The following ANKMY1 variants were observed in gnomAD, a reference collection of about 807,000 sequenced individuals.
ANKMY1 encodes ankyrin repeat and MYND domain containing 1, also known as ankyrin repeat and MYND domain-containing protein 1.
In ANKMY1, 98 loss-of-function variants were observed where a neutral mutation model predicts 102.0. The ratio of observed to expected loss-of-function variants is 0.96; its 90% CI spans 0.82 to 1.14. The LOEUF is 1.14. Ranked by LOEUF, ANKMY1 falls within the 50% of genes most tolerant of loss-of-function variation. The pLI is 0.00. For missense variants in ANKMY1, 1,330 were observed against 1,347.6 expected (o/e 0.99, Z 0.20); for synonymous variants, 582 against 559.9 (o/e 1.04, Z -0.56).
rs776862271 is a variant in ANKMY1, at chr2:240,529,145, C to T, written c.845G>A (p.Arg282His). ...TSSFRKELDA[R>H]IFLNEIPPFV... Reference sequence around the variant, plus strand: ...CGGAGGAATTTCATTGAGGAAGATGCGGGCGTCCAGCTCTTTGCGGAAAGA... The same window carrying T: ...CGGAGGAATTTCATTGAGGAAGATGTGGGCGTCCAGCTCTTTGCGGAAAGA... Residue 282 changes from arginine to histidine, a missense_variant, in exon 5 of 18, where the codon CGC (arginine) becomes CAC (histidine). Physicochemically the swap from Arg to His is conservative, Grantham distance 29 (BLOSUM62 0). Coordinates refer to ENST00000401804, the MANE Select transcript of ANKMY1 (RefSeq NM_001282771.3). The surrounding 1 kb of genome is among the most constrained non-coding windows in gnomAD (Gnocchi z 4.2). The T allele has an allele frequency of 1.9e-5, 31 of 1,614,050 alleles. No individual in the cohort carries two copies. The highest frequency in any genetic ancestry group is 2.5e-5 in the Non-Finnish European group (30 of 1,180,054).
In ANKMY1 at chr2:240,526,259, T is replaced by G; in HGVS notation, c.1140A>C (p.Ala380=). The G allele has an allele frequency of 6.2e-7, 1 of 1,614,136 alleles. No individual in the cohort carries two copies. The highest frequency in any genetic ancestry group is 8.5e-7 in the Non-Finnish European group (1 of 1,180,020). ...CCGCAGCAAGCACAGTGTAGCCCTTTGCGTCCGCCACGTCAGCACTAGCAA... is the reference window on the plus strand; with the variant it reads ...CCGCAGCAAGCACAGTGTAGCCCTTGGCGTCCGCCACGTCAGCACTAGCAA... The part of the protein sequence containing the change: ...DNFASADVAD[A]KGYTVLAAAA... The change falls in exon 6 of 18, where the codon GCA becomes GCC. Residue 380 remains alanine (A), a synonymous_variant. Coordinates refer to ENST00000401804, the MANE Select transcript of ANKMY1 (RefSeq NM_001282771.3).
chr2:240,507,509 C>CA (rs1416289518), intron 13 of ANKMY1, 51 bp downstream of exon 13: 4 of 1,557,684 alleles, frequency 2.6e-6, no homozygotes, highest in Non-Finnish European at 3.5e-6. Flanking sequence ...AGGGCCACCC[C>CA]ACCACCCTCA....
chr2:240,560,529 G>T, upstream of ANKMY1: 4 of 1,131,462 alleles, frequency 3.5e-6, no homozygotes, highest in South Asian at 2.9e-5. Flanking sequence ...CAGCGCCCGC[G>T]GGGGACCCAA....
chr2:240,479,498 A>G lies in ANKMY1; in HGVS notation c.*111T>C. The G allele has an allele frequency of 7.7e-7, 1 of 1,296,652 alleles. No homozygotes were observed. The allele number at this position is 1,296,652 out of a possible 1,614,324, so 80.3% of individuals were successfully genotyped here. ...ACACTGCTACAAAGCATGACCCCAA[A>G]GGTGCAGAAATGCCTGCATTAGGCT... On this transcript the variant is annotated 3_prime_UTR_variant, in exon 18 of 18. Transcript: ENST00000401804.
downstream of ANKMY1, among the ~76,000 whole-genome samples, chr2:240,478,031 TC>T (rs1442943589): frequency 1.3e-5 from 2 of 152,140 alleles, no homozygotes; most frequent in African/African-American, 4.8e-5. Flanking sequence ...GGGGCAGACT[TC>T]CCCATCTGGT....
intron 5 of ANKMY1, chr2:240,526,837 A>C: frequency 2.6e-6 from 3 of 1,167,756 alleles, no homozygotes; most frequent in Non-Finnish European, 3.2e-6. Context: ...CCCACATTCC[A>C]CCCTCTGCTC....
intron 9 of ANKMY1, among the ~76,000 whole-genome samples, chr2:240,516,386 T>A (rs992562332): frequency 6.6e-6 from 1 of 152,172 alleles, no homozygotes; most frequent in African/African-American, 2.4e-5. Flanking sequence ...ACGTTAGAAT[T>A]TTACAGAAAG....
At chr2:240,512,989 GA>G (rs2080530420) in intron 9 of ANKMY1, 47 bp from the exon 10 acceptor site, 1 of 1,587,846 alleles carries the variant, frequency 6.3e-7, no homozygotes, top group African/African-American at 1.3e-5. Context: ...TTCTCGTAGG[GA>G]GAGACAGGTG....
intron 4 of ANKMY1, chr2:240,532,277 C>T: frequency 3.2e-6 from 1 of 316,988 alleles, no homozygotes; most frequent in Non-Finnish European, 6.6e-6. Flanking sequence ...CTTCACTGTG[C>T]TCAAGAAAAT....
At chr2:240,561,048 C>G (rs556419229), upstream of ANKMY1, 60 of 1,509,110 alleles carry the variant, frequency 4.0e-5, no homozygotes, top group South Asian at 5.0e-5. Context: ...CATGCGGCAC[C>G]GCGGCCTCAG....
At chr2:240,518,583 G>A (rs1028117235) in intron 9 of ANKMY1, among the ~76,000 whole-genome samples, 5 of 152,120 alleles carry the variant, frequency 3.3e-5, no homozygotes, top group Admixed American at 6.5e-5. Flanking sequence ...GATCTAGACC[G>A]AACCCCTGGC....
At chr2:240,560,958 G>C, upstream of ANKMY1, 1 of 1,518,622 alleles carries the variant, frequency 6.6e-7, no homozygotes. Context: ...CATGGAGGCC[G>C]CGGTGCGCGC....
chr2:240,517,613 C>A (rs1340777520), intron 9 of ANKMY1, among the ~76,000 whole-genome samples: 1 of 152,110 alleles, frequency 6.6e-6, no homozygotes, highest in Non-Finnish European at 1.5e-5. Context: ...AGTTTGAGAC[C>A]AACCTGGGCA....
Position 240,523,953 on chromosome 2 carries a change from G to A in ANKMY1, c.1764C>T (p.Ala588=). The A allele has an allele frequency of 6.2e-7, 1 of 1,613,802 alleles. No homozygotes were observed. Among genetic ancestry groups the A allele is most frequent in the African/African-American group, 1.3e-5 (1 of 75,062 alleles). Residue 588 remains alanine (A), a synonymous_variant, in exon 8 of 18, where the codon GCC becomes GCT. Coordinates refer to ENST00000401804, the MANE Select transcript of ANKMY1 (RefSeq NM_001282771.3). ...AGCTGCTGGTGCACGGTGAGGGCGA[G>A]GCCATCTTCAGCAAGCTGTGGGACT... is the stretch of plus-strand genomic sequence containing the variant. The part of the protein sequence containing the change: ...SAQSHSLLKM[A]SPSPCTSSFD...
chr2:240,477,310 C>G (rs1003157026), downstream of ANKMY1, among the ~76,000 whole-genome samples: 5 of 152,130 alleles, frequency 3.3e-5, no homozygotes, highest in African/African-American at 9.7e-5. Context: ...GAGAGAAACT[C>G]TGTCTCAAAA....
chr2:240,526,633 C>A, intron 5 of ANKMY1, 188 bp from the exon 6 acceptor site: 3 of 1,444,274 alleles, frequency 2.1e-6, no homozygotes, highest in Non-Finnish European at 2.7e-6. Context: ...AGGTTGCACA[C>A]GGTGGTGCAG....
At chr2:240,494,529 C>G (rs1315009227) in intron 15 of ANKMY1, among the ~76,000 whole-genome samples, 1 of 152,196 alleles carries the variant, frequency 6.6e-6, no homozygotes, top group Non-Finnish European at 1.5e-5. Context: ...GCTCCCCTGT[C>G]CCAGCAGTGA....
chr2:240,546,831 C>T (rs1392193112), intron 4 of ANKMY1, among the ~76,000 whole-genome samples: 1 of 152,180 alleles, frequency 6.6e-6, no homozygotes, highest in Non-Finnish European at 1.5e-5. Context: ...TATATATGCA[C>T]CCAATACAGG....
At chr2:240,545,268 C>A (rs1011283180) in intron 4 of ANKMY1, among the ~76,000 whole-genome samples, 12 of 152,074 alleles carry the variant, frequency 7.9e-5, no homozygotes, top group Admixed American at 4.6e-4. Context: ...CTCACAGGGC[C>A]GGGTACTCCA....
Sources: gnomAD v4.1 joint callset for allele counts (sites outside exome capture counted in the v4.1 genomes callset) on GRCh38, gnomAD v4.1.1 for gene constraint, Gnocchi (gnomAD v3.1) non-coding constraint, MANE v1.5 for transcripts, NCBI Gene and HGNC (gene_info 2026-07-23, HGNC 2026-07-21) for gene names.